The following KIF18A variants were observed in gnomAD, a reference collection of about 807,000 sequenced individuals.
KIF18A encodes the protein kinesin-like protein KIF18A.
Under a neutral mutation model 103.3 loss-of-function variants are expected in KIF18A, and 67 were observed. The observed-to-expected ratio is 0.65, with a 90% CI of 0.53 to 0.79. The LOEUF (loss-of-function observed/expected upper bound fraction) is 0.79, where lower values mean the gene tolerates loss of function less well. Ranked by LOEUF, KIF18A falls within the 30% of genes least tolerant of loss-of-function variation. The pLI is 0.00. For synonymous variants in KIF18A, 367 were observed against 355.5 expected, an observed-to-expected ratio of 1.03 and a Z score of -0.36; for missense variants, 1,032 against 1,062.5, an observed-to-expected ratio of 0.97 and a Z score of 0.40.
intron 12 of KIF18A, among the ~76,000 whole-genome samples, chr11:28,060,817 C>T (rs779785290): frequency 6.6e-6 from 1 of 152,178 alleles, no homozygotes; most frequent in African/African-American, 2.4e-5. Context: ...AGTGCCTATG[C>T]AACCAGCTCC....
chr11:28,082,735 A>T lies in KIF18A; in HGVS notation c.1262+121T>A, dbSNP rs556429577. 81 of 594,094 alleles carry T rather than the reference A, an allele frequency of 1.4e-4. No individual in the cohort carries two copies. In the Middle Eastern group the frequency reaches 1.8e-3, roughly 13 times the overall value. The allele number at this position is 594,094 out of a possible 1,614,324, so 36.8% of individuals were successfully genotyped here. On this transcript the variant is annotated intron_variant, in intron 9 of 16. Transcript: ENST00000263181. ...ATGTATGTATGTGTGTATATATAAA[A>T]TTATAAACATACATATCTATGTACA...
intron 3 of KIF18A, 120 bp from the exon 4 acceptor site, chr11:28,091,633 CT>C (rs1851306106): frequency 1.9e-6 from 1 of 518,844 alleles, no homozygotes. Context: ...CAGCACCTCA[CT>C]TTTATTCACC....
intron 13 of KIF18A, among the ~76,000 whole-genome samples, chr11:28,047,782 A>T (rs1850657055): frequency 6.6e-6 from 1 of 152,174 alleles, no homozygotes; most frequent in Non-Finnish European, 1.5e-5. Context: ...GAGGCAACAT[A>T]CTACTTCATT....
At chr11:28,083,280 G>T (rs1851188434) in intron 7 of KIF18A, 37 bp from the exon 8 acceptor site, 1 of 1,517,998 alleles carries the variant, frequency 6.6e-7, no homozygotes, top group Admixed American at 2.6e-5. Context: ...TTTATAGAGA[G>T]ATAATAATCA....
In KIF18A at chr11:28,021,218, T is replaced by C. The variant is rs2133478211; in HGVS notation, c.2679A>G (p.Ser893=). Residue 893 remains serine (S), a synonymous_variant, in exon 17 of 17, where the codon TCA becomes TCG. Transcript: ENST00000263181. The part of the protein sequence containing the change: ...SMVRKFGRNI[S]KGNLR ...AAGTGATTTATCTTAGATTTCCTTT[T>C]GAAATATTTCTTCCAAATTTTCTAA... 1.3e-6 allele frequency: 2 copies of C among 1,509,888 alleles called. No homozygotes were observed. The highest frequency in any genetic ancestry group is 2.5e-5 in the East Asian group (1 of 40,558). 93.5% of individuals were successfully genotyped at this position (1,509,888 alleles called of 1,614,324 possible). A position where few individuals can be genotyped will look rare whatever the true frequency, so the allele number is the denominator to read the frequency against.
At chr11:28,047,363 G>T (rs759232551) in intron 13 of KIF18A, among the ~76,000 whole-genome samples, 2 of 151,954 alleles carry the variant, frequency 1.3e-5, no homozygotes, top group Non-Finnish European at 2.9e-5. Context: ...AAGGCCTTAC[G>T]TACTTTAACT....
chr11:28,053,302 A>G (rs576220667), intron 13 of KIF18A, among the ~76,000 whole-genome samples: 50 of 152,214 alleles, frequency 3.3e-4, no homozygotes, highest in Non-Finnish European at 2.9e-5. Flanking sequence ...GTTTTTTGAA[A>G]TAAAACTTTA....
Position 28,090,716 on chromosome 11 carries a change from TG to T in KIF18A, c.599del (p.Ser200Ter), listed in dbSNP as rs1481258213. ...TATCCAATAAATGTAAAATTTCTTC[TG>T]AGGATTTGGGCTGGAGAAGTTTAAG... ...HGLTLHQPKSSEEILHLLDNG... is the reference protein window; with the variant it reads ...HGLTLHQPKSXEEILHLLDNG... On this transcript the variant is annotated frameshift_variant, in exon 5 of 17. Coordinates refer to ENST00000263181, the MANE Select transcript of KIF18A (RefSeq NM_031217.4). LOFTEE classifies it high-confidence loss of function. 2 of 1,595,034 alleles carry T rather than the reference TG, an allele frequency of 1.3e-6. No homozygotes were observed. The highest frequency in any genetic ancestry group is 2.2e-5 in the South Asian group (2 of 90,118).
chr11:28,104,416 C>T (rs556931510), intron 1 of KIF18A, among the ~76,000 whole-genome samples: 24 of 152,274 alleles, frequency 1.6e-4, no homozygotes, highest in African/African-American at 5.5e-4. Flanking sequence ...TAAAACACTT[C>T]AGTCTTGTTT....
chr11:28,053,922 G>T (rs1467843496), intron 13 of KIF18A, among the ~76,000 whole-genome samples: 2 of 115,354 alleles, frequency 1.7e-5, no homozygotes, highest in Non-Finnish European at 4.1e-5. Flanking sequence ...AGCTGGTGAG[G>T]CTAAAAAAAA....
chr11:28,062,617 T>G (rs1850870143), intron 11 of KIF18A, 101 bp from the exon 12 acceptor site: 2 of 858,102 alleles, frequency 2.3e-6, no homozygotes, highest in Non-Finnish European at 3.2e-6. Flanking sequence ...TTAATTCTTT[T>G]TAGATATTAA....
At chr11:28,034,164 A>G (rs1850448977) in intron 15 of KIF18A, among the ~76,000 whole-genome samples, 1 of 151,796 alleles carries the variant, frequency 6.6e-6, no homozygotes, top group Non-Finnish European at 1.5e-5. Flanking sequence ...GGAAGTATCT[A>G]TTTGTTGAAA....
In KIF18A at chr11:28,067,869, T is replaced by C. The variant is rs1850955457; in HGVS notation, c.1590+1390A>G. Among the ~76,000 whole-genome samples the C allele has an allele frequency of 1.3e-5, 2 of 152,156 alleles. 1 individual carries two copies. The highest frequency in any genetic ancestry group is 2.9e-5 in the Non-Finnish European group (2 of 68,020). On this transcript the variant is annotated intron_variant, in intron 11 of 16. Coordinates refer to ENST00000263181, the MANE Select transcript of KIF18A (RefSeq NM_031217.4). Reference sequence around the variant, plus strand: ...TTGCTCCTAGTTGCTTAGCCCACATTTACTTTCTTCTTCTTTCTTATTAAG... The same window carrying C: ...TTGCTCCTAGTTGCTTAGCCCACATCTACTTTCTTCTTCTTTCTTATTAAG...
At chr11:28,032,224 A>C (rs1333916919) in intron 15 of KIF18A, among the ~76,000 whole-genome samples, 1 of 151,918 alleles carries the variant, frequency 6.6e-6, no homozygotes. Flanking sequence ...AAGCAGATAC[A>C]AAAAAATAGA....
At chr11:28,052,354 T>C (rs1850722101) in intron 13 of KIF18A, among the ~76,000 whole-genome samples, 1 of 152,164 alleles carries the variant, frequency 6.6e-6, no homozygotes. Flanking sequence ...CTATGTGATC[T>C]GCCTTCCTTC....
intron 11 of KIF18A, among the ~76,000 whole-genome samples, chr11:28,068,759 T>G (rs11030203): frequency 6.6e-6 from 1 of 151,948 alleles, no homozygotes; most frequent in African/African-American, 2.4e-5. Flanking sequence ...CAAGACTTAT[T>G]GTTAAGAGAA....
Position 28,077,142 on chromosome 11 carries a change from G to T in KIF18A, c.1290C>A (p.Phe430Leu). Residue 430 changes from phenylalanine to leucine, a missense_variant, in exon 10 of 17, where the codon TTC becomes TTA. Physicochemically the swap from Phe to Leu is conservative, Grantham distance 22. Transcript: ENST00000263181. ...CTTGTCTAATTTCTTCTCGATTCTG[G>T]AACAAGCAGTTCAGGATTTCTTGAA... ...ERFQEILNCL[F>L]QNREEIRQEY... 6.4e-7 allele frequency: 1 copy of T among 1,574,516 alleles called. No homozygotes were observed. Among genetic ancestry groups the T allele is most frequent in the South Asian group, 1.2e-5 (1 of 84,332 alleles).
At chr11:28,036,136 T>C in intron 14 of KIF18A, 81 bp downstream of exon 14, 1 of 835,756 alleles carries the variant, frequency 1.2e-6, no homozygotes, top group Non-Finnish European at 1.8e-6. Flanking sequence ...AATGGCACAC[T>C]TGGTTTATGA....
intron 15 of KIF18A, among the ~76,000 whole-genome samples, chr11:28,024,646 A>T (rs1445208881): frequency 6.6e-6 from 1 of 152,136 alleles, no homozygotes; most frequent in Non-Finnish European, 1.5e-5. Context: ...TAGATTCTTG[A>T]GTGTAGAGTA....
Sources: gnomAD v4.1 joint callset for allele counts (sites outside exome capture counted in the v4.1 genomes callset) on GRCh38, gnomAD v4.1.1 for gene constraint, MANE v1.5 for transcripts, NCBI Gene and HGNC (gene_info 2026-07-23, HGNC 2026-07-21) for gene names.